PRKAG2: variants seen among roughly 807,000 people sequenced by gnomAD.
PRKAG2 encodes 5'-AMP-activated protein kinase subunit gamma-2.
Under a neutral mutation model 69.6 loss-of-function variants are expected in PRKAG2, and 26 were observed. The ratio of observed to expected loss-of-function variants is 0.37; its 90% CI spans 0.27 to 0.52. The LOEUF (loss-of-function observed/expected upper bound fraction) is 0.52, where lower values mean the gene tolerates loss of function less well. PRKAG2 is among the 20% of genes least tolerant of loss of function. PRKAG2 has a pLI of 0.90. For synonymous variants in PRKAG2, 293 were observed against 285.0 expected, an observed-to-expected ratio of 1.03 and a Z score of -0.28; for missense variants, 557 against 740.0, an observed-to-expected ratio of 0.75 and a Z score of 2.87.
At chr7:151,565,926 C>T (rs1806147612) in intron 11 of PRKAG2, 41 bp from the exon 12 acceptor site, 8 of 1,576,910 alleles carry the variant, frequency 5.1e-6, no homozygotes, top group Admixed American at 1.7e-5. Flanking sequence ...ACCCAGAACA[C>T]ACTCTTGTCA....
chr7:151,842,034 TGATGGTAGTGATGGTAGGTAGG>T lies in PRKAG2; in HGVS notation c.114+34451_114+34472del, dbSNP rs2079308586. ...TAGTGATGGTAGGTAGGGATGGTAG[TGATGGTAGTGATGGTAGGTAGG>T]GATGGTAGTGATGGTAGGTAGTGAT... is the stretch of plus-strand genomic sequence containing the variant. On this transcript the variant is annotated intron_variant, in intron 1 of 15. Coordinates refer to ENST00000287878, the MANE Select transcript of PRKAG2 (RefSeq NM_016203.4). Among the ~76,000 whole-genome samples, 9 of 135,736 alleles carry T rather than the reference TGATGGTAGTGATGGTAGGTAGG, an allele frequency of 6.6e-5. No individual in the cohort carries two copies. The South Asian group carries it at 8.4e-4, about 13-fold the overall frequency. The allele number at this position is 135,736 out of a possible 152,430, so 89.0% of individuals were successfully genotyped here.
chr7:151,865,757 C>G (rs183524859), intron 1 of PRKAG2, among the ~76,000 whole-genome samples: 2 of 152,242 alleles, frequency 1.3e-5, no homozygotes, highest in East Asian at 1.9e-4. Context: ...CAGTGGCTCA[C>G]GCCTGTAATC....
chr7:151,653,555 C>T (rs1828891596), intron 4 of PRKAG2, among the ~76,000 whole-genome samples: 1 of 152,140 alleles, frequency 6.6e-6, no homozygotes, highest in African/African-American at 2.4e-5. Flanking sequence ...ATGTTACAGA[C>T]TTGGGGCTGG....
chr7:151,784,047 A>C (rs111676715), intron 2 of PRKAG2, among the ~76,000 whole-genome samples: 310 of 152,092 alleles, frequency 2.0e-3, no homozygotes, highest in African/African-American at 6.3e-3. Context: ...TGGTCCTATC[A>C]CAAGGTGACA....
Position 151,722,489 on chromosome 7 carries a change from C to A in PRKAG2, c.467-46852G>T, listed in dbSNP as rs541580866. On this transcript the variant is annotated intron_variant, in intron 3 of 15. Transcript: ENST00000287878. Reference sequence around the variant, plus strand: ...CCAGCGAAAGGACTACCATCACTTACCCCAGCTCCCTCCCCAGGGGTCTCC... The same window carrying A: ...CCAGCGAAAGGACTACCATCACTTAACCCAGCTCCCTCCCCAGGGGTCTCC... Among the ~76,000 whole-genome samples, 5 of 152,266 alleles carry A rather than the reference C, an allele frequency of 3.3e-5. No homozygotes were observed. In the South Asian group the frequency reaches 1.0e-3, roughly 32 times the overall value.
At chr7:151,797,650 C>T (rs2077623718) in intron 1 of PRKAG2, among the ~76,000 whole-genome samples, 1 of 152,244 alleles carries the variant, frequency 6.6e-6, no homozygotes, top group Admixed American at 6.5e-5. Context: ...CATCTTGTTT[C>T]ACCCACCTGC....
intron 5 of PRKAG2, among the ~76,000 whole-genome samples, chr7:151,630,463 T>A (rs773731303): frequency 4.6e-5 from 7 of 152,216 alleles, no homozygotes; most frequent in Non-Finnish European, 1.0e-4. Context: ...ACACTGTTTT[T>A]AAATGCCATG....
At chr7:151,874,023 T>A (rs1158206373) in intron 1 of PRKAG2, among the ~76,000 whole-genome samples, 3 of 131,594 alleles carry the variant, frequency 2.3e-5, no homozygotes, top group Non-Finnish European at 4.7e-5. Flanking sequence ...TATATGTATA[T>A]GATGTATATG....
At chr7:151,668,362 C>A (rs965678038) in intron 4 of PRKAG2, among the ~76,000 whole-genome samples, 2 of 152,204 alleles carry the variant, frequency 1.3e-5, no homozygotes, top group African/African-American at 4.8e-5. Flanking sequence ...AACTACCCAG[C>A]CTCAGGTATA....
intron 3 of PRKAG2, among the ~76,000 whole-genome samples, chr7:151,694,958 C>T (rs568541816): frequency 6.6e-6 from 1 of 152,366 alleles, no homozygotes; most frequent in African/African-American, 2.4e-5. Flanking sequence ...CCATGCCTGT[C>T]CCTTCCTTCT....
Position 151,756,034 on chromosome 7 carries a change from C to T in PRKAG2, c.466+25118G>A, listed in dbSNP as rs944971324. 6.6e-6 allele frequency among the ~76,000 whole-genome samples: 1 copy of T among 152,168 alleles called. No individual in the cohort carries two copies. Among genetic ancestry groups the T allele is most frequent in the South Asian group, 2.1e-4 (1 of 4,830 alleles). Reference sequence around the variant, plus strand: ...CGCAAACACAAATACTTCCACTGCCCTCTCCCGCCTCCTCTCCCATCCCCC... The same window carrying T: ...CGCAAACACAAATACTTCCACTGCCTTCTCCCGCCTCCTCTCCCATCCCCC... On this transcript the variant is annotated intron_variant, in intron 3 of 15. Transcript: ENST00000287878. The surrounding 1 kb of genome is among the most constrained non-coding windows in gnomAD (Gnocchi z 4.9).
Position 151,750,481 on chromosome 7 carries a change from A to C in PRKAG2, c.466+30671T>G, listed in dbSNP as rs142425717. Among the ~76,000 whole-genome samples, 354 of 152,366 alleles carry C rather than the reference A, an allele frequency of 2.3e-3. 1 individual carries two copies. The highest frequency in any genetic ancestry group is 3.8e-3 in the Non-Finnish European group (259 of 68,038). On this transcript the variant is annotated intron_variant, in intron 3 of 15. Coordinates refer to ENST00000287878, the MANE Select transcript of PRKAG2 (RefSeq NM_016203.4). ...GATCGACTTTCAAAACAATCTGCTA[A>C]GTGATAGAAGCCACATGCAGAAGCC...
In PRKAG2 at chr7:151,712,145, A is replaced by G. The variant is rs529464554; in HGVS notation, c.467-36508T>C. Among the ~76,000 whole-genome samples, 17 of 152,308 alleles carry G rather than the reference A, an allele frequency of 1.1e-4. No individual in the cohort carries two copies. In the East Asian group the frequency reaches 3.3e-3, roughly 29 times the overall value. Reference sequence around the variant, plus strand: ...GCGTACGTGCATCACGTGGTGTAACATGACTGGGCGGCTCAGTGTGGCCCC... The same window carrying G: ...GCGTACGTGCATCACGTGGTGTAACGTGACTGGGCGGCTCAGTGTGGCCCC... On this transcript the variant is annotated intron_variant, in intron 3 of 15. Coordinates refer to ENST00000287878, the MANE Select transcript of PRKAG2 (RefSeq NM_016203.4).
chr7:151,758,215 T>G (rs1180717199), intron 3 of PRKAG2, among the ~76,000 whole-genome samples: 2 of 152,182 alleles, frequency 1.3e-5, no homozygotes. Flanking sequence ...TAGCAGTTAC[T>G]GGGTGTGCCC....
chr7:151,824,765 C>T (rs1325529191), intron 1 of PRKAG2, among the ~76,000 whole-genome samples: 1 of 152,224 alleles, frequency 6.6e-6, no homozygotes. Context: ...GAGAAATGCA[C>T]TTCTGTCCTG....
At chr7:151,561,124 A>G (rs2150974476) in intron 14 of PRKAG2, among the ~76,000 whole-genome samples, 1 of 152,316 alleles carries the variant, frequency 6.6e-6, no homozygotes, top group Non-Finnish European at 1.5e-5. Flanking sequence ...AAAGCTATCT[A>G]TCTCCTGTCT....
At chr7:151,859,648 G>A (rs900335853) in intron 1 of PRKAG2, among the ~76,000 whole-genome samples, 17 of 152,324 alleles carry the variant, frequency 1.1e-4, no homozygotes, top group Non-Finnish European at 2.2e-4. Context: ...GCCAGCCACA[G>A]CCCACAGTGC....
chr7:151,776,974 C>T (rs1016140764), intron 3 of PRKAG2, among the ~76,000 whole-genome samples: 20 of 152,262 alleles, frequency 1.3e-4, no homozygotes, highest in Admixed American at 2.6e-4. Flanking sequence ...TGGACACTGC[C>T]GGGGTGAGGC....
At chr7:151,861,560 A>G (rs552077355) in intron 1 of PRKAG2, among the ~76,000 whole-genome samples, 4 of 144,194 alleles carry the variant, frequency 2.8e-5, no homozygotes, top group Non-Finnish European at 6.1e-5. Context: ...AATCACCTCC[A>G]TTGAAAAGAA....
Sources: gnomAD v4.1 joint callset for allele counts (sites outside exome capture counted in the v4.1 genomes callset) on GRCh38, gnomAD v4.1.1 for gene constraint, Gnocchi (gnomAD v3.1) non-coding constraint, MANE v1.5 for transcripts, NCBI Gene and HGNC (gene_info 2026-07-23, HGNC 2026-07-21) for gene names.